Variants in SRD5A1 observed in about 807,000 individuals in gnomAD.
SRD5A1 encodes the protein 3-oxo-5-alpha-steroid 4-dehydrogenase 1.
In SRD5A1, 22 loss-of-function variants were observed where a neutral mutation model predicts 28.2. The ratio of observed to expected loss-of-function variants is 0.78; its 90% CI spans 0.56 to 1.12. The LOEUF (loss-of-function observed/expected upper bound fraction) is 1.12, where lower values mean the gene tolerates loss of function less well. SRD5A1 is among the 50% of genes most tolerant of loss of function. The probability of loss-of-function intolerance (pLI) is 0.00; values close to 1 mark genes in which losing one functional copy is unlikely to be tolerated. For missense variants in SRD5A1, 300 were observed against 346.7 expected (o/e 0.87, Z 1.07); for synonymous variants, 151 against 135.0 (o/e 1.12, Z -0.82).
chr5:6,659,303 T>C (rs184083747), intron 3 of SRD5A1, among the ~76,000 whole-genome samples: 2,748 of 151,872 alleles, frequency 0.018, 36 homozygotes, highest in Non-Finnish European at 0.029. Flanking sequence ...TTACTAGAGA[T>C]GGGGTTTCAC....
intron 1 of SRD5A1, among the ~76,000 whole-genome samples, chr5:6,648,478 C>A (rs191022298): frequency 1.3e-5 from 2 of 151,822 alleles, no homozygotes. Context: ...TGTTTCTTTT[C>A]ACTCTAAGTC....
intron 3 of SRD5A1, among the ~76,000 whole-genome samples, chr5:6,660,360 G>A (rs1375437713): frequency 6.6e-6 from 1 of 152,242 alleles, no homozygotes; most frequent in Non-Finnish European, 1.5e-5. Flanking sequence ...CAGGCGGCAT[G>A]CAGGAAGGCA....
chr5:6,636,803 A>G (rs1288591542), intron 1 of SRD5A1, among the ~76,000 whole-genome samples: 2 of 152,128 alleles, frequency 1.3e-5, no homozygotes, highest in Non-Finnish European at 2.9e-5. Flanking sequence ...TGTGCTGGGG[A>G]TATAGTGACA....
chr5:6,638,959 T>A (rs1433091554), intron 1 of SRD5A1, among the ~76,000 whole-genome samples: 2 of 152,378 alleles, frequency 1.3e-5, no homozygotes, highest in Non-Finnish European at 2.9e-5. Flanking sequence ...TAAAAATTAT[T>A]AAATCCACCA....
chr5:6,663,992 A>G (rs1044545839), intron 4 of SRD5A1, among the ~76,000 whole-genome samples: 1 of 152,218 alleles, frequency 6.6e-6, no homozygotes, highest in African/African-American at 2.4e-5. Context: ...CAGGAGCCCC[A>G]TCTCATTGAC....
At chr5:6,638,478 C>T (rs770947086) in intron 1 of SRD5A1, among the ~76,000 whole-genome samples, 4 of 152,188 alleles carry the variant, frequency 2.6e-5, no homozygotes, top group Non-Finnish European at 4.4e-5. Context: ...TGGAAAGTTC[C>T]GGAGGTTAGT....
intron 3 of SRD5A1, among the ~76,000 whole-genome samples, chr5:6,658,038 A>G (rs569469261): frequency 6.6e-6 from 1 of 152,212 alleles, no homozygotes; most frequent in African/African-American, 2.4e-5. Context: ...TAAAATGTGA[A>G]TGGAGGCCAA....
intron 1 of SRD5A1, among the ~76,000 whole-genome samples, chr5:6,635,636 T>C (rs980304507): frequency 2.0e-5 from 3 of 152,226 alleles, no homozygotes; most frequent in Non-Finnish European, 4.4e-5. Context: ...GCGTGCTCAG[T>C]ACACAATACC....
At chr5:6,653,714 A>G (rs1051873562) in intron 2 of SRD5A1, among the ~76,000 whole-genome samples, 1 of 152,184 alleles carries the variant, frequency 6.6e-6, no homozygotes, top group East Asian at 1.9e-4. Flanking sequence ...AATGTTTGCC[A>G]GAGAGTCTCA....
chr5:6,664,625 T>C (rs1025746352), intron 4 of SRD5A1, among the ~76,000 whole-genome samples: 2 of 152,206 alleles, frequency 1.3e-5, no homozygotes, highest in African/African-American at 4.8e-5. Context: ...AAGCTGGTCT[T>C]AAACTCCTGG....
At chr5:6,635,936 A>G (rs1738170975) in intron 1 of SRD5A1, among the ~76,000 whole-genome samples, 1 of 152,190 alleles carries the variant, frequency 6.6e-6, no homozygotes, top group Non-Finnish European at 1.5e-5. Flanking sequence ...TAGAACACGG[A>G]GGCACAGCAT....
At position 6,668,452 on chromosome 5, in the gene SRD5A1, G is replaced by A; in HGVS notation, c.*184G>A. The A allele has an allele frequency of 2.2e-6, 1 of 456,732 alleles. No homozygotes were observed. Among genetic ancestry groups the A allele is most frequent in the Non-Finnish European group, 4.0e-6 (1 of 251,536 alleles). 28.3% of individuals were successfully genotyped at this position (456,732 alleles called of 1,614,324 possible). Reference sequence around the variant, plus strand: ...ATAAGTACCTAAATACGCTGAAATGGAGGTTGAATATCCTACTGTGTAACA... The same window carrying A: ...ATAAGTACCTAAATACGCTGAAATGAAGGTTGAATATCCTACTGTGTAACA... On this transcript the variant is annotated 3_prime_UTR_variant, in exon 5 of 5. Transcript: ENST00000274192.
At chr5:6,644,882 G>C (rs575624644) in intron 1 of SRD5A1, 28 of 456,010 alleles carry the variant, frequency 6.1e-5, no homozygotes, top group African/African-American at 5.2e-4. Flanking sequence ...TGTCTGCCCG[G>C]ATCTGAATCA....
intron 2 of SRD5A1, among the ~76,000 whole-genome samples, chr5:6,653,796 A>G (rs1480435900): frequency 2.0e-5 from 3 of 152,214 alleles, no homozygotes; most frequent in Non-Finnish European, 4.4e-5. Flanking sequence ...GATGGTTCGC[A>G]TCACGTAGAG....
chr5:6,651,620 ACTGTACTGCAGCC>A (rs1181716499), intron 1 of SRD5A1, among the ~76,000 whole-genome samples: 1 of 152,208 alleles, frequency 6.6e-6, no homozygotes, highest in Non-Finnish European at 1.5e-5. Flanking sequence ...TGATCAAGCC[ACTGTACTGCAGCC>A]TGGGCAACAC....
At chr5:6,668,144 G>A in intron 4 of SRD5A1, 58 bp from the exon 5 acceptor site, 1 of 1,061,776 alleles carries the variant, frequency 9.4e-7, no homozygotes, top group Non-Finnish European at 1.4e-6. Context: ...ACTTTTGTTA[G>A]CATTGGTTAA....
At position 6,651,992 on chromosome 5, in the gene SRD5A1, T is replaced by C. The variant is rs751288835; in HGVS notation, c.444T>C (p.Asp148=). Reference sequence around the variant, plus strand: ...TGTATGCTGATGACTGGGTAACAGATCCCCGTTTTCTAATAGGTGAGTGTC... The same window carrying C: ...TGTATGCTGATGACTGGGTAACAGACCCCCGTTTTCTAATAGGTGAGTGTC... ...CAVYADDWVT[D]PRFLIGFGLW... is the part of the protein sequence containing the mutation. The change falls in exon 2 of 5, where the codon GAT becomes GAC. Residue 148 remains aspartate (D), a synonymous_variant. Transcript: ENST00000274192. 1.9e-6 allele frequency: 3 copies of C among 1,613,180 alleles called. No individual in the cohort carries two copies. The highest frequency in any genetic ancestry group is 2.5e-6 in the Non-Finnish European group (3 of 1,179,332).
chr5:6,658,431 G>T (rs561319776), intron 3 of SRD5A1, among the ~76,000 whole-genome samples: 2 of 152,176 alleles, frequency 1.3e-5, no homozygotes, highest in Admixed American at 6.5e-5. Flanking sequence ...ATTACCTGTC[G>T]CAGTAAAGGG....
At chr5:6,650,952 C>T (rs577544014) in intron 1 of SRD5A1, among the ~76,000 whole-genome samples, 35 of 151,970 alleles carry the variant, frequency 2.3e-4, no homozygotes, top group Non-Finnish European at 4.7e-4. Flanking sequence ...TCAATTGCCC[C>T]GATTTACATT....
Sources: gnomAD v4.1 joint callset for allele counts (sites outside exome capture counted in the v4.1 genomes callset) on GRCh38, gnomAD v4.1.1 for gene constraint, MANE v1.5 for transcripts, NCBI Gene and HGNC (gene_info 2026-07-23, HGNC 2026-07-21) for gene names.